PKP2: variants seen among roughly 807,000 people sequenced by gnomAD.
The protein encoded by PKP2 is plakophilin 2.
Under a neutral mutation model 83.4 loss-of-function variants are expected in PKP2, and 73 were observed. That is an observed-to-expected ratio of 0.88 (90% CI 0.72 to 1.06). The LOEUF is 1.06. PKP2 is among the 50% of genes least tolerant of loss of function. The pLI is 0.00. For synonymous variants in PKP2, 409 were observed against 430.4 expected (o/e 0.95, Z 0.62); for missense variants, 966 against 1,065.4 (o/e 0.91, Z 1.30).
At chr12:32,881,691 G>A (rs949322794) in intron 1 of PKP2, among the ~76,000 whole-genome samples, 4 of 152,160 alleles carry the variant, frequency 2.6e-5, no homozygotes, top group Non-Finnish European at 5.9e-5. Context: ...TTTCGCTCTT[G>A]TTGCCCAGGC....
At chr12:32,822,759 T>A in intron 7 of PKP2, 128 bp from the exon 8 acceptor site, 1 of 959,750 alleles carries the variant, frequency 1.0e-6, no homozygotes, top group Non-Finnish European at 1.6e-6. Context: ...AAACTGCGGG[T>A]TGCCTGGGGG....
intron 6 of PKP2, among the ~76,000 whole-genome samples, chr12:32,827,871 A>C (rs1051132368): frequency 4.6e-5 from 7 of 152,220 alleles, no homozygotes; most frequent in Non-Finnish European, 8.8e-5. Flanking sequence ...CCTCTGGTAT[A>C]ATCAAGCCTA....
intron 1 of PKP2, among the ~76,000 whole-genome samples, chr12:32,880,747 G>C (rs763069655): frequency 2.0e-5 from 3 of 151,436 alleles, no homozygotes; most frequent in Non-Finnish European, 4.4e-5. Flanking sequence ...AAAGCAGTAT[G>C]TTGTGTCCCT....
intron 4 of PKP2, among the ~76,000 whole-genome samples, chr12:32,862,588 T>C (rs978613944): frequency 1.3e-5 from 2 of 151,890 alleles, no homozygotes; most frequent in African/African-American, 4.8e-5. Flanking sequence ...GAGGTTGCAG[T>C]GAGCCAAGAT....
chr12:32,856,817 C>T (rs905615697), intron 4 of PKP2, among the ~76,000 whole-genome samples: 3 of 151,864 alleles, frequency 2.0e-5, no homozygotes, highest in African/African-American at 7.3e-5. Context: ...CTGGGTGAAC[C>T]ACCCTCCTAC....
intron 4 of PKP2, 61 bp from the exon 5 acceptor site, chr12:32,851,034 A>G (rs1032592888): frequency 1.0e-4 from 137 of 1,343,028 alleles, no homozygotes; most frequent in East Asian, 5.5e-4. Context: ...AAGGCATTCA[A>G]TGTAATACAA....
chr12:32,796,156 TAGA>T lies in PKP2; in HGVS notation c.2307_2309del (p.Leu770del). The T allele has an allele frequency of 6.2e-7, 1 of 1,614,194 alleles. No individual in the cohort carries two copies. The highest frequency in any genetic ancestry group is 1.7e-5 in the Admixed American group (1 of 60,030). On this transcript the variant is annotated inframe_deletion, in exon 11 of 13. Transcript: ENST00000340811. Reference sequence around the variant, plus strand: ...TAATTTTCTGGATGCCCCCGGTGTTTAGAAGGTCGCGTGCATTCTGGTAACTGT... The same window carrying T: ...TAATTTTCTGGATGCCCCCGGTGTTTAGGTCGCGTGCATTCTGGTAACTGT...
chr12:32,832,548 C>A (rs1956510044), intron 6 of PKP2, among the ~76,000 whole-genome samples: 1 of 152,122 alleles, frequency 6.6e-6, no homozygotes, highest in Admixed American at 6.6e-5. Flanking sequence ...TATGTTTACA[C>A]ATGAAACATA....
At chr12:32,798,371 G>A (rs572397068) in intron 10 of PKP2, among the ~76,000 whole-genome samples, 186 of 152,010 alleles carry the variant, frequency 1.2e-3, no homozygotes, top group Non-Finnish European at 2.2e-3. Context: ...GATTACAGGC[G>A]TGAGCCACTG....
intron 1 of PKP2, among the ~76,000 whole-genome samples, chr12:32,880,356 C>T (rs967990221): frequency 1.6e-4 from 24 of 152,000 alleles, no homozygotes; most frequent in African/African-American, 4.6e-4. Flanking sequence ...GCCGAGATAG[C>T]GCCACTGCAC....
intron 6 of PKP2, among the ~76,000 whole-genome samples, chr12:32,827,693 A>T (rs1275545930): frequency 1.3e-5 from 2 of 152,210 alleles, no homozygotes; most frequent in African/African-American, 4.8e-5. Context: ...TCAAAACTGT[A>T]AGTGAAATAT....
chr12:32,817,591 G>A lies in PKP2; in HGVS notation c.2013+3765C>T, dbSNP rs566120219. On this transcript the variant is annotated intron_variant, in intron 9 of 12. Transcript: ENST00000340811. ...TAATGTCTTAACATGTCTTTTGATA[G>A]CATAAGTTATTAATTTAGTCAATTT... is the stretch of plus-strand genomic sequence containing the variant. 2.0e-5 allele frequency among the ~76,000 whole-genome samples: 3 copies of A among 152,216 alleles called. No homozygotes were observed. In the East Asian group the frequency reaches 5.8e-4, roughly 29 times the overall value.
chr12:32,867,232 G>T (rs994931686), intron 4 of PKP2, among the ~76,000 whole-genome samples: 2 of 152,316 alleles, frequency 1.3e-5, no homozygotes, highest in African/African-American at 4.8e-5. Flanking sequence ...GGAGGCTGGG[G>T]TGGGAGGATT....
chr12:32,793,741 G>A (rs966267313), intron 11 of PKP2, among the ~76,000 whole-genome samples: 2 of 149,558 alleles, frequency 1.3e-5, no homozygotes, highest in South Asian at 2.1e-4. Flanking sequence ...GACTACAGGC[G>A]CATGCCACCA....
At chr12:32,896,369 G>T in intron 1 of PKP2, 140 bp downstream of exon 1, 1 of 590,754 alleles carries the variant, frequency 1.7e-6, no homozygotes, top group South Asian at 2.4e-5. Context: ...CAAGCAAGTC[G>T]GTCATACCGA....
chr12:32,792,514 A>G (rs1956078675), intron 12 of PKP2, 22 bp from the exon 13 acceptor site: 1 of 1,608,204 alleles, frequency 6.2e-7, no homozygotes, highest in Non-Finnish European at 8.5e-7. Context: ...GCAAACAGAA[A>G]CGTGAAAGGT....
Position 32,878,402 on chromosome 12 carries a change from G to A in PKP2, c.478C>T (p.His160Tyr), listed in dbSNP as rs1360804472. 6 of 1,613,984 alleles carry A rather than the reference G, an allele frequency of 3.7e-6. No homozygotes were observed. Among genetic ancestry groups the A allele is most frequent in the Non-Finnish European group, 4.2e-6 (5 of 1,179,912 alleles). ...ISPDSSPERA[H>Y]YTHSDYQYSQ... ...TACTGGTAATCGCTGTGCGTGTAGTGAGCCCTCTCCGGGCTGCTGTCAGGA... is the reference window on the plus strand; with the variant it reads ...TACTGGTAATCGCTGTGCGTGTAGTAAGCCCTCTCCGGGCTGCTGTCAGGA... The change falls in exon 3 of 13, where the codon CAC becomes TAC. Residue 160 changes from histidine (H) to tyrosine (Y), a missense_variant. Transcript: ENST00000340811.
chr12:32,850,707 G>A lies in PKP2; in HGVS notation c.1378+59C>T, dbSNP rs114537977. ...AGGAAACTTAAGAAAAAGAGATGAT[G>A]TAAGGCATCTGGCTGGGGTGCAAAT... On this transcript the variant is annotated intron_variant, in intron 5 of 12. Coordinates refer to ENST00000340811, the MANE Select transcript of PKP2 (RefSeq NM_001005242.3). 4 of 1,279,536 alleles carry A rather than the reference G, an allele frequency of 3.1e-6. 1 individual carries two copies. In the African/African-American group the frequency reaches 5.8e-5, roughly 19 times the overall value. 79.3% of individuals were successfully genotyped at this position (1,279,536 alleles called of 1,614,324 possible). A position where few individuals can be genotyped will look rare whatever the true frequency, so the allele number is the denominator to read the frequency against.
At chr12:32,796,028 G>T in intron 11 of PKP2, 81 bp downstream of exon 11, 1 of 1,197,478 alleles carries the variant, frequency 8.4e-7, no homozygotes, top group Non-Finnish European at 1.2e-6. Flanking sequence ...GGTCATGACC[G>T]CACATTCACA....
Sources: allele counts gnomAD v4.1 joint callset (sites outside exome capture counted in the v4.1 genomes callset), GRCh38; gene constraint gnomAD v4.1.1; transcripts MANE v1.5; gene names NCBI Gene and HGNC (gene_info 2026-07-23, HGNC 2026-07-21).